Variants in PPP2R2A observed in about 807,000 individuals in gnomAD.
PPP2R2A encodes the protein protein phosphatase 2 regulatory subunit Balpha, also known as serine/threonine-protein phosphatase 2A 55 kDa regulatory subunit B alpha isoform.
In PPP2R2A, 9 loss-of-function variants were observed where a neutral mutation model predicts 53.2. That is an observed-to-expected ratio of 0.17 (90% confidence interval 0.10 to 0.30). The LOEUF (loss-of-function observed/expected upper bound fraction) is 0.30. PPP2R2A is among the 10% of genes least tolerant of loss of function. The probability of loss-of-function intolerance (pLI) is 1.00; values close to 1 mark genes in which losing one functional copy is unlikely to be tolerated. For synonymous variants in PPP2R2A, 169 were observed against 174.2 expected (o/e 0.97, Z 0.23); for missense variants, 235 against 534.6 (o/e 0.44, Z 5.53).
intron 9 of PPP2R2A, among the ~76,000 whole-genome samples, chr8:26,369,413 C>T (rs1175261304): frequency 5.3e-5 from 8 of 150,498 alleles, no homozygotes; most frequent in Admixed American, 1.3e-4. Flanking sequence ...TTTTCCGAGA[C>T]GGAGTCTTGC....
At chr8:26,345,676 G>T (rs1804175319) in intron 3 of PPP2R2A, among the ~76,000 whole-genome samples, 1 of 152,074 alleles carries the variant, frequency 6.6e-6, no homozygotes, top group African/African-American at 2.4e-5. Context: ...TTTTTTCAGG[G>T]TTGGGAGGTG....
chr8:26,346,792 G>A (rs966897168), intron 3 of PPP2R2A, among the ~76,000 whole-genome samples: 2 of 152,190 alleles, frequency 1.3e-5, no homozygotes, highest in African/African-American at 4.8e-5. Flanking sequence ...AACTTCATCT[G>A]TAGTCAATTT....
At chr8:26,316,955 T>G (rs1802588908) in intron 2 of PPP2R2A, among the ~76,000 whole-genome samples, 1 of 152,264 alleles carries the variant, frequency 6.6e-6, no homozygotes, top group South Asian at 2.1e-4. Flanking sequence ...CAGTTACTGA[T>G]TGCAGGGCAA....
intron 7 of PPP2R2A, chr8:26,363,452 T>C (rs145359152): frequency 1.2e-4 from 33 of 278,228 alleles, no homozygotes; most frequent in African/African-American, 5.4e-4. Context: ...CCTGGTGCAC[T>C]GAAGTCAGAA....
chr8:26,353,932 T>C (rs924131603), intron 3 of PPP2R2A, among the ~76,000 whole-genome samples: 7 of 152,100 alleles, frequency 4.6e-5, no homozygotes, highest in Non-Finnish European at 7.4e-5. Context: ...TCAAATGGTA[T>C]CCCTTCTTTT....
intron 3 of PPP2R2A, among the ~76,000 whole-genome samples, chr8:26,346,437 A>G (rs1041129089): frequency 6.6e-6 from 1 of 152,084 alleles, no homozygotes; most frequent in Non-Finnish European, 1.5e-5. Context: ...CACCACACCC[A>G]GCTGGTTATT....
chr8:26,324,653 G>GAGAAGAGGGCTACCATC (rs202191182), intron 2 of PPP2R2A, among the ~76,000 whole-genome samples: 2,891 of 152,256 alleles, frequency 0.019, 88 homozygotes, highest in African/African-American at 0.067. Flanking sequence ...GCCAAGCTGT[G>GAGAAGAGGGCTACCATC]AGAAGAGGGC....
chr8:26,300,163 T>A (rs917654630), intron 2 of PPP2R2A, among the ~76,000 whole-genome samples: 4 of 152,240 alleles, frequency 2.6e-5, no homozygotes, highest in African/African-American at 9.6e-5. Flanking sequence ...GAAAACATAT[T>A]GCTGACATTT....
intron 3 of PPP2R2A, among the ~76,000 whole-genome samples, chr8:26,340,732 T>TG (rs993782789): frequency 3.3e-5 from 5 of 152,074 alleles, no homozygotes; most frequent in Non-Finnish European, 7.4e-5. Flanking sequence ...TTTTTTTAAT[T>TG]GGGGGAAATG....
chr8:26,304,963 C>G (rs371332893), intron 2 of PPP2R2A, among the ~76,000 whole-genome samples: 18 of 152,222 alleles, frequency 1.2e-4, no homozygotes, highest in African/African-American at 4.3e-4. Context: ...CCATCTTAAC[C>G]ATTTTCAAAT....
chr8:26,339,169 A>C (rs901685953), intron 3 of PPP2R2A, among the ~76,000 whole-genome samples, 182 bp downstream of exon 3: 1 of 152,234 alleles, frequency 6.6e-6, no homozygotes, highest in African/African-American at 2.4e-5. Context: ...ATGTGTGTAC[A>C]TGAGCGTATG....
Position 26,370,013 on chromosome 8 carries a change from CT to C in PPP2R2A, c.1065-120del, listed in dbSNP as rs1017734131. On this transcript the variant is annotated intron_variant, in intron 9 of 9. Coordinates refer to ENST00000380737, the MANE Select transcript of PPP2R2A (RefSeq NM_002717.4). The surrounding 1 kb of genome is among the most constrained non-coding windows in gnomAD (Gnocchi z 6.1). ...GTGATTGAGTTGATGTCAACAGCCC[CT>C]GTCCCTTAGTTTAAATCTGCTTTTG... 9.2e-6 allele frequency: 9 copies of C among 976,526 alleles called. No individual in the cohort carries two copies. The highest frequency in any genetic ancestry group is 3.3e-4 in the Middle Eastern group (1 of 3,066). 60.5% of individuals were successfully genotyped at this position (976,526 alleles called of 1,614,324 possible). A position where few individuals can be genotyped will look rare whatever the true frequency, so the allele number is the denominator to read the frequency against.
intron 3 of PPP2R2A, among the ~76,000 whole-genome samples, chr8:26,349,454 C>G (rs1301690323): frequency 6.6e-6 from 1 of 152,136 alleles, no homozygotes; most frequent in Non-Finnish European, 1.5e-5. Context: ...GCATGGCTGT[C>G]CAAACACCTC....
At chr8:26,363,663 G>A in intron 7 of PPP2R2A, 58 bp from the exon 8 acceptor site, 8 of 1,358,160 alleles carry the variant, frequency 5.9e-6, no homozygotes, top group Non-Finnish European at 7.7e-6. Flanking sequence ...GAAATGCTTT[G>A]TCCAAGCCAG....
chr8:26,340,282 T>A (rs1010249826), intron 3 of PPP2R2A, among the ~76,000 whole-genome samples: 1 of 152,008 alleles, frequency 6.6e-6, no homozygotes, highest in Non-Finnish European at 1.5e-5. Context: ...GATTACTTTA[T>A]TACTTAGTGG....
intron 2 of PPP2R2A, among the ~76,000 whole-genome samples, chr8:26,332,395 T>A (rs1803432286): frequency 6.6e-6 from 1 of 151,396 alleles, no homozygotes. Context: ...AAGATACAAA[T>A]TGATATCAAA....
At chr8:26,344,239 C>T (rs1277436386) in intron 3 of PPP2R2A, among the ~76,000 whole-genome samples, 1 of 152,146 alleles carries the variant, frequency 6.6e-6, no homozygotes, top group African/African-American at 2.4e-5. Flanking sequence ...TGTATGTTTA[C>T]TATATCTTGA....
At chr8:26,342,947 T>G (rs928403798) in intron 3 of PPP2R2A, among the ~76,000 whole-genome samples, 1 of 152,102 alleles carries the variant, frequency 6.6e-6, no homozygotes, top group Non-Finnish European at 1.5e-5. Flanking sequence ...GTCCCAACAC[T>G]TTGGGAGGCT....
chr8:26,303,469 T>G (rs962337250), intron 2 of PPP2R2A, among the ~76,000 whole-genome samples: 8 of 152,148 alleles, frequency 5.3e-5, no homozygotes, highest in African/African-American at 1.7e-4. Context: ...TGTAGCAGTT[T>G]GGTGATGTGT....
Sources: gnomAD v4.1 joint callset for allele counts (sites outside exome capture counted in the v4.1 genomes callset) on GRCh38, gnomAD v4.1.1 for gene constraint, Gnocchi (gnomAD v3.1) non-coding constraint, MANE v1.5 for transcripts, NCBI Gene and HGNC (gene_info 2026-07-23, HGNC 2026-07-21) for gene names.